The following SGCD variants were observed in gnomAD, a reference collection of about 807,000 sequenced individuals.
SGCD encodes the protein sarcoglycan delta, also known as delta-sarcoglycan.
A neutral mutation model predicts 36.6 loss-of-function variants in SGCD; 18 were observed. The observed-to-expected ratio is 0.49, with a 90% CI of 0.34 to 0.73. SGCD has a LOEUF of 0.73. Ranked by LOEUF, SGCD falls within the 30% of genes least tolerant of loss-of-function variation. The probability of loss-of-function intolerance (pLI) is 0.01; values close to 1 mark genes in which losing one functional copy is unlikely to be tolerated. For synonymous variants in SGCD, 133 were observed against 130.6 expected (o/e 1.02, Z -0.12); for missense variants, 387 against 346.7 (o/e 1.12, Z -0.92).
At chr5:156,406,231 C>T (rs1772400434) in intron 3 of SGCD, among the ~76,000 whole-genome samples, 2 of 151,972 alleles carry the variant, frequency 1.3e-5, no homozygotes, top group Non-Finnish European at 2.9e-5. Context: ...GATGTCCTTC[C>T]TTGAAGCATC....
chr5:156,578,179 T>C (rs1166257384), intron 4 of SGCD, among the ~76,000 whole-genome samples: 1 of 152,112 alleles, frequency 6.6e-6, no homozygotes, highest in African/African-American at 2.4e-5. Flanking sequence ...AATCATGTGG[T>C]TTTTGTTGTT....
Position 156,603,333 on chromosome 5 carries a change from T to A in SGCD, c.502+8282T>A, listed in dbSNP as rs571203049. ...TTATTTGAGTCTTCTCTTTTTGTAT[T>A]AATCTAGCTAAATATTTGTCAATTT... On this transcript the variant is annotated intron_variant, in intron 6 of 8. Coordinates refer to ENST00000337851, the MANE Select transcript of SGCD (RefSeq NM_000337.6). Among the ~76,000 whole-genome samples, 9 of 152,188 alleles carry A rather than the reference T, an allele frequency of 5.9e-5. No individual in the cohort carries two copies. In the South Asian group the frequency reaches 1.9e-3, roughly 32 times the overall value.
In SGCD at chr5:156,110,963, A is replaced by C. The variant is rs146991424; in HGVS notation, c.-281-6915A>C. Among the ~76,000 whole-genome samples the C allele has an allele frequency of 1.4e-4, 21 of 152,268 alleles. No individual in the cohort carries two copies. The East Asian group carries it at 4.0e-3, about 29-fold the overall frequency. ...TGTCTGAGATCTGGGGTGAGGAGAGAAGAATGAGAGAGACAATATTTGAAC... is the reference window on the plus strand; with the variant it reads ...TGTCTGAGATCTGGGGTGAGGAGAGCAGAATGAGAGAGACAATATTTGAAC... On this transcript the variant is annotated intron_variant, in intron 1 of 9. Coordinates refer to the SGCD transcript ENST00000517913.
the SGCD span, among the ~76,000 whole-genome samples, chr5:155,857,781 ATATT>A: frequency 3.3e-5 from 5 of 152,122 alleles, no homozygotes; most frequent in Non-Finnish European, 2.9e-5. Flanking sequence ...TAGTGTCTAT[ATATT>A]TAAATTTGTT....
chr5:156,661,817 G>A (rs1763942180), intron 7 of SGCD, among the ~76,000 whole-genome samples: 1 of 152,060 alleles, frequency 6.6e-6, no homozygotes, highest in African/African-American at 2.4e-5. Context: ...TTTTGTCTGG[G>A]TCATTTCCAC....
intron 3 of SGCD, among the ~76,000 whole-genome samples, chr5:156,362,141 A>T (rs1396737387): frequency 6.6e-6 from 1 of 152,236 alleles, no homozygotes; most frequent in African/African-American, 2.4e-5. Flanking sequence ...CACCCTAAGT[A>T]GGAGCCAATG....
chr5:155,857,407 T>C, the SGCD span, among the ~76,000 whole-genome samples: 1 of 152,182 alleles, frequency 6.6e-6, no homozygotes, highest in Admixed American at 6.5e-5. Flanking sequence ...AGCAGATGAA[T>C]GGATAAACAG....
intron 3 of SGCD, among the ~76,000 whole-genome samples, chr5:156,456,907 A>G (rs1754287591): frequency 6.6e-6 from 1 of 152,240 alleles, no homozygotes; most frequent in Non-Finnish European, 1.5e-5. Flanking sequence ...GGGTTAGAAT[A>G]TAGACAAAAT....
intron 4 of SGCD, among the ~76,000 whole-genome samples, chr5:156,521,641 A>G (rs4516838): frequency 0.11 from 16,109 of 152,180 alleles, 1,112 homozygotes; most frequent in Admixed American, 0.16. Flanking sequence ...CAAATCCACA[A>G]TGAGATACCA....
intron 3 of SGCD, among the ~76,000 whole-genome samples, chr5:156,223,213 T>C (rs981299193): frequency 1.1e-4 from 16 of 152,098 alleles, no homozygotes; most frequent in African/African-American, 3.9e-4. Flanking sequence ...ACTCTTTGAA[T>C]TGAAAGTAGT....
intron 4 of SGCD, among the ~76,000 whole-genome samples, chr5:156,559,091 C>T (rs1472549550): frequency 6.6e-6 from 1 of 152,162 alleles, no homozygotes; most frequent in Non-Finnish European, 1.5e-5. Context: ...TGACCTTATA[C>T]AGATCCCTTT....
chr5:156,253,338 G>A (rs1053576459), intron 3 of SGCD, among the ~76,000 whole-genome samples: 1 of 152,160 alleles, frequency 6.6e-6, no homozygotes, highest in Non-Finnish European at 1.5e-5. Flanking sequence ...CTGTATCAAT[G>A]TGCTATCTGT....
At chr5:155,744,855 C>T in the SGCD span, among the ~76,000 whole-genome samples, 23 of 152,172 alleles carry the variant, frequency 1.5e-4, no homozygotes, top group African/African-American at 5.1e-4. Flanking sequence ...TTTCTAAAAC[C>T]GATGAATGAT....
the SGCD span, among the ~76,000 whole-genome samples, chr5:155,810,795 CTTTTTTTTTTTTTTTTTTTTTTT>C: frequency 1.7e-3 from 59 of 35,334 alleles, no homozygotes; most frequent in African/African-American, 5.5e-3. Context: ...TTAGTGTCTG[CTTTTTTTTTTTTTTTTTTTTTTT>C]TTTTTTTTTT....
chr5:155,728,809 C>G, the SGCD span, among the ~76,000 whole-genome samples: 2 of 152,218 alleles, frequency 1.3e-5, no homozygotes, highest in Non-Finnish European at 2.9e-5. Flanking sequence ...TGCGCCCCCA[C>G]CCGGGCGGCG....
chr5:155,912,066 G>A (rs140874400), intron 1 of SGCD, among the ~76,000 whole-genome samples: 3 of 152,038 alleles, frequency 2.0e-5, no homozygotes, highest in Non-Finnish European at 2.9e-5. Context: ...TGGAAAAGAT[G>A]GTCAGTGATG....
At chr5:156,508,544 G>T (rs1233221413) in intron 3 of SGCD, 57 bp from the exon 4 acceptor site, 4 of 1,006,332 alleles carry the variant, frequency 4.0e-6, no homozygotes, top group African/African-American at 3.2e-5. Context: ...ACAGCCTGAG[G>T]TGTTTTGAAA....
chr5:155,886,972 C>T (rs1756019265), intron 1 of SGCD, among the ~76,000 whole-genome samples: 1 of 152,160 alleles, frequency 6.6e-6, no homozygotes, highest in South Asian at 2.1e-4. Context: ...GCCACATGCT[C>T]CCTTTCTCTG....
At chr5:156,531,678 C>A (rs1171235978) in intron 4 of SGCD, among the ~76,000 whole-genome samples, 2 of 152,090 alleles carry the variant, frequency 1.3e-5, no homozygotes, top group African/African-American at 2.4e-5. Flanking sequence ...CTTAAAATTT[C>A]CCTTGAAAAA....
Sources: allele counts gnomAD v4.1 joint callset (sites outside exome capture counted in the v4.1 genomes callset), GRCh38; gene constraint gnomAD v4.1.1; transcripts MANE v1.5; gene names NCBI Gene and HGNC (gene_info 2026-07-23, HGNC 2026-07-21).